The following NIPBL variants were observed in gnomAD, a reference collection of about 807,000 sequenced individuals.
The protein encoded by NIPBL is nipped-B-like protein.
Under a neutral mutation model 321.8 loss-of-function variants are expected in NIPBL, and 19 were observed. That is an observed-to-expected ratio of 0.06 (90% CI 0.04 to 0.09). NIPBL has a LOEUF of 0.09. NIPBL is among the 10% of genes least tolerant of loss of function. The pLI is 1.00. For missense variants in NIPBL, 2,210 were observed against 3,327.0 expected (o/e 0.66, Z 8.26); for synonymous variants, 1,106 against 1,114.1 (o/e 0.99, Z 0.14).
intron 8 of NIPBL, among the ~76,000 whole-genome samples, chr5:36,974,986 G>T (rs1743283180): frequency 6.6e-6 from 1 of 152,016 alleles, no homozygotes; most frequent in Admixed American, 6.6e-5. Context: ...ATTTTTGTCT[G>T]AAGGCTTATT....
chr5:37,021,150 T>C (rs1749586416), intron 27 of NIPBL, among the ~76,000 whole-genome samples: 1 of 151,976 alleles, frequency 6.6e-6, no homozygotes, highest in South Asian at 2.1e-4. Flanking sequence ...AATACAAAAA[T>C]TAGCGGGGCG....
intron 1 of NIPBL, among the ~76,000 whole-genome samples, chr5:36,933,495 T>C (rs1450375963): frequency 6.6e-6 from 1 of 152,120 alleles, no homozygotes; most frequent in African/African-American, 2.4e-5. Context: ...TTCTGGACTT[T>C]AGTCTTGGAT....
In NIPBL at chr5:36,998,068, GA is replaced by G. The variant is rs1195769465; in HGVS notation, c.3304+2265del. ...ACTGGGTGCCTGGGGAAAATGGAGA[GA>G]GGGGTGATGTAAGAAGCTCAAGAGA... On this transcript the variant is annotated intron_variant, in intron 11 of 46. Transcript: ENST00000282516. Among the ~76,000 whole-genome samples, 5 of 152,248 alleles carry G rather than the reference GA, an allele frequency of 3.3e-5. No homozygotes were observed. The South Asian group carries it at 1.0e-3, about 32-fold the overall frequency.
Position 36,986,058 on chromosome 5 carries a change from A to G in NIPBL, c.2878A>G (p.Lys960Glu). 6.2e-7 allele frequency: 1 copy of G among 1,614,066 alleles called. No homozygotes were observed. The highest frequency in any genetic ancestry group is 8.5e-7 in the Non-Finnish European group (1 of 1,179,960). Residue 960 changes from lysine to glutamate, a missense_variant, in exon 10 of 47, where the codon AAA (lysine) becomes GAA (glutamate). By Grantham distance (56) the Lys-to-Glu change is moderately conservative. Transcript: ENST00000282516. The part of the protein sequence containing the change: ...SGALKNFVIP[K>E]IKRDKDGNVT... ...TGCGTTGAAAAATTTTGTCATTCCG[A>G]AAATCAAGAGGGATAAAGATGGCAA... is the stretch of plus-strand genomic sequence containing the variant.
At chr5:36,991,909 T>A (rs1745565678) in intron 10 of NIPBL, among the ~76,000 whole-genome samples, 1 of 152,142 alleles carries the variant, frequency 6.6e-6, no homozygotes, top group Non-Finnish European at 1.5e-5. Flanking sequence ...TGTTTTCCTG[T>A]TTTAAAAAGA....
chr5:37,050,027 C>A (rs1394590982), intron 40 of NIPBL, among the ~76,000 whole-genome samples: 1 of 152,148 alleles, frequency 6.6e-6, no homozygotes, highest in Non-Finnish European at 1.5e-5. Flanking sequence ...TTATCCTGTT[C>A]TTCATGACTC....
intron 1 of NIPBL, among the ~76,000 whole-genome samples, chr5:36,927,684 G>C (rs1749468204): frequency 1.3e-5 from 2 of 152,178 alleles, no homozygotes; most frequent in South Asian, 4.1e-4. Flanking sequence ...ACGAAGAACA[G>C]TATAAGGAAT....
chr5:36,960,460 G>A lies in NIPBL; in HGVS notation c.359-1024G>A, dbSNP rs542522902. 7.2e-5 allele frequency among the ~76,000 whole-genome samples: 11 copies of A among 151,980 alleles called. No homozygotes were observed. The South Asian group carries it at 1.2e-3, about 17-fold the overall frequency. On this transcript the variant is annotated intron_variant, in intron 4 of 46. Coordinates refer to ENST00000282516, the MANE Select transcript of NIPBL (RefSeq NM_133433.4). ...AACAATTCTGTGCTGAGTTTGAGTT[G>A]GAAAAGAAAAGTCAGAAGTTGAAAT... is the stretch of plus-strand genomic sequence containing the variant.
At chr5:37,009,610 A>G (rs772252384) in intron 20 of NIPBL, among the ~76,000 whole-genome samples, 1 of 152,232 alleles carries the variant, frequency 6.6e-6, no homozygotes. Flanking sequence ...ATTTTTTACA[A>G]TATCTATAGA....
At chr5:37,032,438 T>TGTGTGTG (rs55748684) in intron 32 of NIPBL, among the ~76,000 whole-genome samples, 2 of 98,216 alleles carry the variant, frequency 2.0e-5, no homozygotes, top group Non-Finnish European at 4.4e-5. Flanking sequence ...TGTGTGTGTG[T>TGTGTGTG]AGTGTGTGTG....
intron 1 of NIPBL, among the ~76,000 whole-genome samples, chr5:36,908,523 A>G (rs964161596): frequency 6.6e-6 from 1 of 152,176 alleles, no homozygotes; most frequent in East Asian, 1.9e-4. Flanking sequence ...ATGTGGTACA[A>G]TTATTATCTA....
intron 1 of NIPBL, among the ~76,000 whole-genome samples, chr5:36,919,940 T>A (rs890995231): frequency 3.3e-5 from 5 of 152,168 alleles, no homozygotes; most frequent in African/African-American, 7.2e-5. Context: ...TGTCAGGTAT[T>A]CTGTTTTATC....
intron 13 of NIPBL, 39 bp downstream of exon 13, chr5:37,000,927 T>C: frequency 6.3e-7 from 1 of 1,592,216 alleles, no homozygotes; most frequent in South Asian, 1.1e-5. Context: ...TTATTCATAT[T>C]CTTCAGCTTC....
intron 1 of NIPBL, among the ~76,000 whole-genome samples, chr5:36,934,410 G>A (rs1305111615): frequency 6.6e-6 from 1 of 152,088 alleles, no homozygotes; most frequent in Non-Finnish European, 1.5e-5. Flanking sequence ...TAAAATGGTA[G>A]GTAGAGGATG....
chr5:36,961,707 T>C (rs373336623), intron 5 of NIPBL, 124 bp downstream of exon 5: 1 of 752,274 alleles, frequency 1.3e-6, no homozygotes, highest in Admixed American at 2.0e-5. Flanking sequence ...AATACTTAAA[T>C]AGTAATCCAC....
Position 37,002,780 on chromosome 5 carries a change from TA to T in NIPBL, c.3768+19del. The T allele has an allele frequency of 2.2e-6, 3 of 1,346,806 alleles. No individual in the cohort carries two copies. The highest frequency in any genetic ancestry group is 2.1e-6 in the Non-Finnish European group (2 of 940,868). 83.4% of individuals were successfully genotyped at this position (1,346,806 alleles called of 1,614,324 possible). On this transcript the variant is annotated intron_variant, in intron 15 of 46. Transcript: ENST00000282516. ...TAATGGATAAGGTATCTCACCAAAG[TA>T]AAATTTATAAATTTACTTCATAGAA...
intron 1 of NIPBL, among the ~76,000 whole-genome samples, chr5:36,896,933 A>G (rs1242699849): frequency 2.0e-5 from 3 of 151,446 alleles, no homozygotes; most frequent in African/African-American, 7.3e-5. Flanking sequence ...CAAATATTGC[A>G]TTTCTTTTGT....
Position 37,055,164 on chromosome 5 carries a change from C to T in NIPBL, c.7264-2022C>T, listed in dbSNP as rs537934321. Among the ~76,000 whole-genome samples, 7 of 152,128 alleles carry T rather than the reference C, an allele frequency of 4.6e-5. No homozygotes were observed. In the South Asian group the frequency reaches 1.5e-3, roughly 32 times the overall value. On this transcript the variant is annotated intron_variant, in intron 42 of 46. Transcript: ENST00000282516. The stretch of plus-strand genomic sequence containing the variant: ...AGGAGTTCGAGAACAGCCTGGCCAA[C>T]ATGGCAAAATCCTCTCTCTCCTGAA...
At position 36,977,728 on chromosome 5, in the gene NIPBL, TTAGA is replaced by T. The variant is rs757191340; in HGVS notation, c.1495+1330_1495+1333del. On this transcript the variant is annotated intron_variant, in intron 9 of 46. Coordinates refer to ENST00000282516, the MANE Select transcript of NIPBL (RefSeq NM_133433.4). The stretch of plus-strand genomic sequence containing the variant: ...ACCCAAATAGTGATCATAGTACCCA[TTAGA>T]TAGTTTTTCAACCTTGGCTTCGTCC... 1.5e-3 allele frequency among the ~76,000 whole-genome samples: 221 copies of T among 151,772 alleles called. 1 individual carries two copies. Among genetic ancestry groups the T allele is most frequent in the Non-Finnish European group, 1.9e-3 (126 of 67,782 alleles).
Sources: allele counts gnomAD v4.1 joint callset (sites outside exome capture counted in the v4.1 genomes callset), GRCh38; gene constraint gnomAD v4.1.1; transcripts MANE v1.5; gene names NCBI Gene and HGNC (gene_info 2026-07-23, HGNC 2026-07-21).